The following MEIS1 variants were observed in gnomAD, a reference collection of about 807,000 sequenced individuals.
MEIS1 encodes homeobox protein Meis1.
MEIS1 carries 5 observed loss-of-function variants against 50.8 expected under a neutral mutation model. That is an observed-to-expected ratio of 0.10 (90% CI 0.05 to 0.21). MEIS1 has a LOEUF of 0.21. Ranked by LOEUF, MEIS1 falls within the 10% of genes least tolerant of loss-of-function variation. The pLI is 1.00. For synonymous variants in MEIS1, 176 were observed against 179.3 expected, an observed-to-expected ratio of 0.98 and a Z score of 0.15; for missense variants, 318 against 517.3, an observed-to-expected ratio of 0.61 and a Z score of 3.74.
intron 7 of MEIS1, among the ~76,000 whole-genome samples, chr2:66,486,719 TC>T (rs757923847): frequency 5.9e-5 from 9 of 152,248 alleles, no homozygotes; most frequent in Non-Finnish European, 1.2e-4. Context: ...TATTGATTCT[TC>T]CTATCCGTGA....
At chr2:66,538,049 G>T (rs1015413394) in intron 8 of MEIS1, among the ~76,000 whole-genome samples, 1 of 152,140 alleles carries the variant, frequency 6.6e-6, no homozygotes, top group African/African-American at 2.4e-5. Flanking sequence ...CCTGTGCTAG[G>T]CATAAAGATA....
At chr2:66,448,715 C>A (rs1326873256) in intron 6 of MEIS1, among the ~76,000 whole-genome samples, 1 of 151,968 alleles carries the variant, frequency 6.6e-6, no homozygotes, top group Non-Finnish European at 1.5e-5. Flanking sequence ...AAACAAAACC[C>A]AAGTATGTAT....
At chr2:66,532,548 CT>C (rs1337090207) in intron 8 of MEIS1, among the ~76,000 whole-genome samples, 2 of 151,978 alleles carry the variant, frequency 1.3e-5, no homozygotes, top group East Asian at 1.9e-4. Flanking sequence ...AATAGGGCCC[CT>C]GAGAGCATCC....
At chr2:66,503,415 A>T (rs183042579) in intron 7 of MEIS1, among the ~76,000 whole-genome samples, 2 of 152,268 alleles carry the variant, frequency 1.3e-5, no homozygotes, top group Admixed American at 1.3e-4. Flanking sequence ...CACTACACGT[A>T]GTTGACTTTT....
At chr2:66,510,022 A>G (rs193260218) in intron 7 of MEIS1, among the ~76,000 whole-genome samples, 2 of 152,290 alleles carry the variant, frequency 1.3e-5, no homozygotes, top group Admixed American at 1.3e-4. Context: ...TGAAAACAGT[A>G]TTGTAAGGTT....
intron 8 of MEIS1, among the ~76,000 whole-genome samples, chr2:66,522,122 A>G (rs4430932): frequency 0.98 from 148,611 of 152,348 alleles, 72,604 homozygotes; most frequent in Middle Eastern, 1. Context: ...CGTTGGAGAA[A>G]TTTTAAAGAT....
chr2:66,441,518 G>A, intron 5 of MEIS1, 54 bp downstream of exon 5: 2 of 1,405,654 alleles, frequency 1.4e-6, no homozygotes, highest in East Asian at 2.7e-5. Flanking sequence ...CAAACACACA[G>A]GGGGGAGGGT....
chr2:66,544,841 A>G lies in MEIS1; in HGVS notation c.889-3102A>G, dbSNP rs192296652. ...TTTGTGATATTTAAATTATGAAATC[A>G]GAAACTATATGATGTGAAGAAACAA... is the stretch of plus-strand genomic sequence containing the variant. On this transcript the variant is annotated intron_variant, in intron 8 of 12. Coordinates refer to ENST00000272369, the MANE Select transcript of MEIS1 (RefSeq NM_002398.3). 6.8e-4 allele frequency among the ~76,000 whole-genome samples: 103 copies of G among 152,312 alleles called. No homozygotes were observed. In the Middle Eastern group the frequency reaches 0.01, roughly 15 times the overall value.
intron 7 of MEIS1, among the ~76,000 whole-genome samples, chr2:66,482,823 T>C (rs1377306792): frequency 5.9e-5 from 9 of 152,210 alleles, no homozygotes; most frequent in Non-Finnish European, 1.3e-4. Flanking sequence ...TGCTGTCTCA[T>C]TCAATATTCC....
chr2:66,436,017 A>C, intron 1 of MEIS1, 149 bp downstream of exon 1: 1 of 600,106 alleles, frequency 1.7e-6, no homozygotes, highest in Non-Finnish European at 2.8e-6. Context: ...GGATTTATTC[A>C]ATGCATTTGT....
At chr2:66,525,481 A>G (rs1674227686) in intron 8 of MEIS1, among the ~76,000 whole-genome samples, 1 of 152,140 alleles carries the variant, frequency 6.6e-6, no homozygotes, top group Admixed American at 6.5e-5. Context: ...TGATTTTTAT[A>G]CTTTGATTTT....
intron 9 of MEIS1, among the ~76,000 whole-genome samples, chr2:66,561,525 T>C (rs1489940053): frequency 6.6e-6 from 1 of 152,214 alleles, no homozygotes. Context: ...AGAAATCTTA[T>C]ATTTAAGAAT....
intron 10 of MEIS1, 139 bp downstream of exon 10, chr2:66,567,650 G>C (rs759701278): frequency 3.9e-6 from 3 of 769,522 alleles, no homozygotes; most frequent in Non-Finnish European, 6.8e-6. Flanking sequence ...AACCAGTTTC[G>C]TTTCATAACA....
intron 8 of MEIS1, among the ~76,000 whole-genome samples, chr2:66,535,671 A>G (rs947996639): frequency 5.3e-5 from 8 of 152,202 alleles, no homozygotes; most frequent in Admixed American, 3.9e-4. Flanking sequence ...CATTCTGGAG[A>G]CAGACAGTGA....
In MEIS1 at chr2:66,453,865, G is replaced by C. The variant is rs571990040; in HGVS notation, c.631-10244G>C. Among the ~76,000 whole-genome samples the C allele has an allele frequency of 2.0e-5, 3 of 151,810 alleles. No individual in the cohort carries two copies. In the South Asian group the frequency reaches 6.3e-4, roughly 32 times the overall value. ...CTTATGTCTCAATTGTGTGTTCTCT[G>C]GCTCGAGAGTTTAGAAGTAGAAAAG... On this transcript the variant is annotated intron_variant, in intron 6 of 12. Coordinates refer to ENST00000272369, the MANE Select transcript of MEIS1 (RefSeq NM_002398.3).
chr2:66,475,733 G>A (rs569615447), intron 7 of MEIS1, among the ~76,000 whole-genome samples: 1 of 152,328 alleles, frequency 6.6e-6, no homozygotes, highest in South Asian at 2.1e-4. Flanking sequence ...GCAGAGGCTG[G>A]CATCCTTGAC....
intron 2 of MEIS1, chr2:66,439,429 G>T: frequency 7.7e-7 from 1 of 1,304,586 alleles, no homozygotes; most frequent in East Asian, 3.0e-5. Context: ...GGAGGAACCC[G>T]CAGGAACCAG....
chr2:66,562,177 C>G (rs1675235570), intron 9 of MEIS1: 1 of 150,390 alleles, frequency 6.6e-6, no homozygotes, highest in South Asian at 2.1e-4. Flanking sequence ...TGGCTCCTAA[C>G]AGATGCCCAC....
chr2:66,568,767 G>A lies in MEIS1; in HGVS notation c.1114+11G>A, dbSNP rs768274414. On this transcript the variant is annotated intron_variant, in intron 11 of 12. Coordinates refer to ENST00000272369, the MANE Select transcript of MEIS1 (RefSeq NM_002398.3). ...GAATTAGAGCACCAGGTAAGACTTT[G>A]TTTTTGTGGTAGTTCCTCATTTTTG... 2 of 1,610,954 alleles carry A rather than the reference G, an allele frequency of 1.2e-6. No individual in the cohort carries two copies. The highest frequency in any genetic ancestry group is 4.5e-5 in the East Asian group (2 of 44,856).
Sources: allele counts gnomAD v4.1 joint callset (sites outside exome capture counted in the v4.1 genomes callset), GRCh38; gene constraint gnomAD v4.1.1; transcripts MANE v1.5; gene names NCBI Gene and HGNC (gene_info 2026-07-23, HGNC 2026-07-21).